Variants in EPHA5 observed in about 807,000 individuals in gnomAD.
The protein encoded by EPHA5 is ephrin type-A receptor 5.
A neutral mutation model predicts 105.0 loss-of-function variants in EPHA5; 60 were observed. The observed-to-expected ratio is 0.57, with a 90% CI of 0.46 to 0.71. EPHA5 has a LOEUF of 0.71. EPHA5 is among the 30% of genes least tolerant of loss of function. The probability of loss-of-function intolerance (pLI) is 0.00; values close to 1 mark genes in which losing one functional copy is unlikely to be tolerated. For missense variants in EPHA5, 1,218 were observed against 1,274.7 expected, an observed-to-expected ratio of 0.96 and a Z score of 0.68; for synonymous variants, 513 against 449.1, an observed-to-expected ratio of 1.14 and a Z score of -1.80.
At chr4:65,414,147 CT>C in intron 7 of EPHA5, 136 bp downstream of exon 7, 1 of 747,296 alleles carries the variant, frequency 1.3e-6, no homozygotes, top group East Asian at 2.7e-5. Flanking sequence ...CAGATGCTTC[CT>C]ACCTGAAGGG....
chr4:65,419,405 A>G (rs1723723392), intron 6 of EPHA5, among the ~76,000 whole-genome samples: 1 of 152,110 alleles, frequency 6.6e-6, no homozygotes. Flanking sequence ...CGAAGGAGTG[A>G]TGTCTCTGTG....
At chr4:65,622,595 A>G (rs894792700) in intron 2 of EPHA5, among the ~76,000 whole-genome samples, 2 of 151,998 alleles carry the variant, frequency 1.3e-5, no homozygotes, top group Non-Finnish European at 2.9e-5. Context: ...TTAATGGCTT[A>G]CTCTTTATTT....
At chr4:65,435,085 T>C (rs945998800) in intron 5 of EPHA5, among the ~76,000 whole-genome samples, 2 of 152,080 alleles carry the variant, frequency 1.3e-5, no homozygotes, top group African/African-American at 4.8e-5. Context: ...ATATTACATA[T>C]AAAAATGACA....
At chr4:65,479,906 T>G (rs184506265) in intron 5 of EPHA5, among the ~76,000 whole-genome samples, 9 of 152,266 alleles carry the variant, frequency 5.9e-5, no homozygotes, top group Admixed American at 3.3e-4. Flanking sequence ...AAATGGTTGC[T>G]CTTTAGTGTA....
In EPHA5 at chr4:65,617,099, A is replaced by T. The variant is rs574811082; in HGVS notation, c.247-14795T>A. On this transcript the variant is annotated intron_variant, in intron 2 of 16. Transcript: ENST00000613740. ...TTTACATTTTTCTGTACATCTCCATATTTGGAGAAATTCTAAGTTATGACA... is the reference window on the plus strand; with the variant it reads ...TTTACATTTTTCTGTACATCTCCATTTTTGGAGAAATTCTAAGTTATGACA... Among the ~76,000 whole-genome samples, 3 of 152,198 alleles carry T rather than the reference A, an allele frequency of 2.0e-5. No homozygotes were observed. In the East Asian group the frequency reaches 5.8e-4, roughly 29 times the overall value.
intron 8 of EPHA5, among the ~76,000 whole-genome samples, chr4:65,402,772 C>T (rs1207785371): frequency 1.3e-5 from 2 of 152,152 alleles, no homozygotes; most frequent in African/African-American, 4.8e-5. Flanking sequence ...ATCATCTATA[C>T]TTTGGGGTAG....
chr4:65,598,066 T>C (rs796228313), intron 3 of EPHA5, among the ~76,000 whole-genome samples: 1 of 152,350 alleles, frequency 6.6e-6, no homozygotes, highest in African/African-American at 2.4e-5. Flanking sequence ...ATTCAAACTT[T>C]AGCTTCTCAA....
At chr4:65,437,917 T>C (rs1725636262) in intron 5 of EPHA5, among the ~76,000 whole-genome samples, 1 of 151,996 alleles carries the variant, frequency 6.6e-6, no homozygotes. Flanking sequence ...TAAGCATCAT[T>C]TTTTCTCTGT....
At chr4:65,660,970 G>A (rs1435778241) in intron 1 of EPHA5, among the ~76,000 whole-genome samples, 2 of 151,992 alleles carry the variant, frequency 1.3e-5, no homozygotes, top group Non-Finnish European at 2.9e-5. Context: ...AGACCATGTA[G>A]GGCATTTATT....
At chr4:65,380,832 C>T (rs1007183668) in intron 8 of EPHA5, among the ~76,000 whole-genome samples, 4 of 151,660 alleles carry the variant, frequency 2.6e-5, no homozygotes, top group African/African-American at 7.3e-5. Context: ...CTTTAGAAAA[C>T]AAAATTCTAA....
chr4:65,457,594 A>G (rs993930159), intron 5 of EPHA5, among the ~76,000 whole-genome samples: 1 of 151,936 alleles, frequency 6.6e-6, no homozygotes, highest in Non-Finnish European at 1.5e-5. Context: ...CAAAATTTGA[A>G]ATAAATACTT....
intron 3 of EPHA5, among the ~76,000 whole-genome samples, chr4:65,580,728 A>G (rs1741532810): frequency 6.6e-6 from 1 of 151,786 alleles, no homozygotes; most frequent in Non-Finnish European, 1.5e-5. Context: ...GTTGAGCATA[A>G]AAGACTTCAG....
chr4:65,517,919 T>G (rs1376398318), intron 3 of EPHA5, among the ~76,000 whole-genome samples: 1 of 151,962 alleles, frequency 6.6e-6, no homozygotes, highest in Non-Finnish European at 1.5e-5. Context: ...GTATTACATC[T>G]ACTAAATTTA....
At chr4:65,610,845 G>T (rs529752647) in intron 2 of EPHA5, among the ~76,000 whole-genome samples, 1 of 152,220 alleles carries the variant, frequency 6.6e-6, no homozygotes, top group South Asian at 2.1e-4. Context: ...ATCTAGTTTA[G>T]TTCCATTATG....
chr4:65,536,138 C>A (rs1235779053), intron 3 of EPHA5, among the ~76,000 whole-genome samples: 1 of 151,788 alleles, frequency 6.6e-6, no homozygotes, highest in Non-Finnish European at 1.5e-5. Flanking sequence ...CATTTAATGA[C>A]TCTTTAGTAA....
chr4:65,392,350 T>A (rs973426985), intron 8 of EPHA5, among the ~76,000 whole-genome samples: 3 of 152,110 alleles, frequency 2.0e-5, no homozygotes, highest in African/African-American at 4.8e-5. Flanking sequence ...TTTATTGAGC[T>A]TTTTTCTAAA....
At chr4:65,576,054 GAAAGAAAAGAAAAGA>G (rs1423504045) in intron 3 of EPHA5, among the ~76,000 whole-genome samples, 147 of 81,540 alleles carry the variant, frequency 1.8e-3, no homozygotes, top group Middle Eastern at 6.8e-3. Flanking sequence ...AAGAAAGAAA[GAAAGAAAAGAAAAGA>G]AAAGAAAAGA....
At chr4:65,576,120 G>GAAAAGAAAAGAAAAGAAAAGAAAAA (rs1741012157) in intron 3 of EPHA5, among the ~76,000 whole-genome samples, 1 of 116,290 alleles carries the variant, frequency 8.6e-6, no homozygotes, top group East Asian at 2.5e-4. Flanking sequence ...AAAGAAAAAA[G>GAAAAGAAAAGAAAAGAAAAGAAAAA]AAAAGAAAAG....
At chr4:65,374,428 T>A (rs1200070653) in intron 8 of EPHA5, among the ~76,000 whole-genome samples, 2 of 151,964 alleles carry the variant, frequency 1.3e-5, no homozygotes, top group Non-Finnish European at 2.9e-5. Context: ...ACAAATATCA[T>A]CTTATAAATG....
Sources: gnomAD v4.1 joint callset for allele counts (sites outside exome capture counted in the v4.1 genomes callset) on GRCh38, gnomAD v4.1.1 for gene constraint, MANE v1.5 for transcripts, NCBI Gene and HGNC (gene_info 2026-07-23, HGNC 2026-07-21) for gene names.